The following MAP3K7CL variants were observed in gnomAD, a reference collection of about 807,000 sequenced individuals.
The protein encoded by MAP3K7CL is MAP3K7 C-terminal like, also known as MAP3K7 C-terminal-like protein.
A neutral mutation model predicts 18.6 loss-of-function variants in MAP3K7CL; 16 were observed. That is an observed-to-expected ratio of 0.86 (90% confidence interval 0.58 to 1.31). MAP3K7CL has a LOEUF of 1.31. Ranked by LOEUF, MAP3K7CL falls within the 50% of genes most tolerant of loss-of-function variation. The pLI is 0.00. For missense variants in MAP3K7CL, 163 were observed against 174.4 expected, an observed-to-expected ratio of 0.93 and a Z score of 0.37; for synonymous variants, 65 against 66.8, an observed-to-expected ratio of 0.97 and a Z score of 0.13.
intron 4 of MAP3K7CL, among the ~76,000 whole-genome samples, chr21:29,165,460 G>A (rs2087662021): frequency 6.6e-6 from 1 of 152,258 alleles, no homozygotes; most frequent in Non-Finnish European, 1.5e-5. Context: ...TGTACACAAT[G>A]TATATTCTTT....
upstream of MAP3K7CL, among the ~76,000 whole-genome samples, chr21:29,084,592 A>G (rs1322961268): frequency 6.6e-6 from 1 of 152,194 alleles, no homozygotes; most frequent in Non-Finnish European, 1.5e-5. Context: ...AAATCAAGGG[A>G]GGATCTATGT....
At chr21:29,159,480 T>C (rs1339789119) in intron 3 of MAP3K7CL, among the ~76,000 whole-genome samples, 1 of 152,230 alleles carries the variant, frequency 6.6e-6, no homozygotes, top group African/African-American at 2.4e-5. Flanking sequence ...AAGAGAGCTT[T>C]TCTTCTCTAC....
At chr21:29,086,820 G>A (rs539246317) in intron 1 of MAP3K7CL, among the ~76,000 whole-genome samples, 10 of 152,024 alleles carry the variant, frequency 6.6e-5, no homozygotes, top group Non-Finnish European at 1.2e-4. Flanking sequence ...TGTATGTTAG[G>A]GTTTTATCAT....
At chr21:29,130,472 A>G (rs2086757916), upstream of MAP3K7CL, 1 of 439,112 alleles carries the variant, frequency 2.3e-6, no homozygotes, top group Non-Finnish European at 3.0e-6. Context: ...ATAGACACAG[A>G]CACCGATTGG....
At chr21:29,150,595 C>T (rs945036239) in intron 3 of MAP3K7CL, among the ~76,000 whole-genome samples, 1 of 152,136 alleles carries the variant, frequency 6.6e-6, no homozygotes, top group African/African-American at 2.4e-5. Context: ...CTAAAATTTC[C>T]TCTCTAGCTA....
chr21:29,085,089 A>T (rs944939256), upstream of MAP3K7CL: 1 of 152,250 alleles, frequency 6.6e-6, no homozygotes, highest in Non-Finnish European at 1.5e-5. Context: ...ATAACCCTTA[A>T]GCCCTTACCG....
intron 2 of MAP3K7CL, among the ~76,000 whole-genome samples, chr21:29,141,730 C>T (rs2087013315): frequency 6.6e-6 from 1 of 152,024 alleles, no homozygotes; most frequent in South Asian, 2.1e-4. Flanking sequence ...TATCCACATC[C>T]ATCTCTATAG....
rs1307626978 is a variant in MAP3K7CL at position 29,130,701 on chromosome 21, CGGAAG to C, written c.-248_-244del. 55 of 985,386 alleles carry C rather than the reference CGGAAG, an allele frequency of 5.6e-5. No individual in the cohort carries two copies. Among genetic ancestry groups the C allele is most frequent in the Non-Finnish European group, 6.3e-5 (52 of 829,932 alleles). 61.0% of individuals were successfully genotyped at this position (985,386 alleles called of 1,614,324 possible). On this transcript the variant is annotated 5_prime_UTR_variant, in exon 1 of 5. Transcript: ENST00000399928. ...AGGAGAGAGGGGTTGTGAAGGGAAG[CGGAAG>C]GGAAGGGAAGGGAGGTCCCGTGGGA...
upstream of MAP3K7CL, among the ~76,000 whole-genome samples, chr21:29,125,732 T>G (rs996234832): frequency 6.6e-6 from 1 of 152,176 alleles, no homozygotes; most frequent in Non-Finnish European, 1.5e-5. Flanking sequence ...AGTAACAACA[T>G]TACTGCAAGT....
chr21:29,094,425 A>G (rs559666688), intron 4 of MAP3K7CL, among the ~76,000 whole-genome samples: 1 of 152,330 alleles, frequency 6.6e-6, no homozygotes, highest in African/African-American at 2.4e-5. Context: ...GGTGGGGCCT[A>G]AGTATTTGAA....
chr21:29,124,042 G>T (rs1017339351), intron 4 of MAP3K7CL, among the ~76,000 whole-genome samples: 1 of 151,992 alleles, frequency 6.6e-6, no homozygotes, highest in African/African-American at 2.4e-5. Context: ...CCAAGAGTCT[G>T]CTGTCTAGGT....
At chr21:29,077,143 C>A (rs976985021), upstream of MAP3K7CL, among the ~76,000 whole-genome samples, 2 of 152,270 alleles carry the variant, frequency 1.3e-5, no homozygotes, top group Non-Finnish European at 2.9e-5. Flanking sequence ...CCCAGTGGAT[C>A]ACGCACTAGG....
intron 4 of MAP3K7CL, among the ~76,000 whole-genome samples, chr21:29,168,113 G>A (rs1425205341): frequency 6.6e-6 from 1 of 152,116 alleles, no homozygotes; most frequent in Non-Finnish European, 1.5e-5. Context: ...ATATACCTAA[G>A]ATATTTTTCT....
At chr21:29,118,621 T>G (rs576924490) in intron 4 of MAP3K7CL, among the ~76,000 whole-genome samples, 1 of 151,848 alleles carries the variant, frequency 6.6e-6, no homozygotes, top group South Asian at 2.1e-4. Context: ...GTGACAGGAG[T>G]GAGGGCCTTG....
upstream of MAP3K7CL, chr21:29,077,493 A>G: frequency 5.8e-5 from 9 of 154,150 alleles, no homozygotes; most frequent in East Asian, 1.9e-4. Flanking sequence ...TCCTGCCCGC[A>G]CCTCTCCCTC....
Position 29,160,057 on chromosome 21 carries a change from G to T in MAP3K7CL, c.248+1G>T, listed in dbSNP as rs753802796. 9.3e-6 allele frequency: 15 copies of T among 1,610,420 alleles called. No homozygotes were observed. Among genetic ancestry groups the T allele is most frequent in the Non-Finnish European group, 1.3e-5 (15 of 1,176,724 alleles). ...AAATCACCCTGCTTGAGCAAAGGAAGTAAGTACCTACCCCCCTCACTCTAC... is the reference window on the plus strand; with the variant it reads ...AAATCACCCTGCTTGAGCAAAGGAATTAAGTACCTACCCCCCTCACTCTAC... On this transcript the variant is annotated splice_donor_variant, in intron 4 of 4. Coordinates refer to ENST00000399928, the MANE Select transcript of MAP3K7CL (RefSeq NM_001286620.2). LOFTEE classifies it high-confidence loss of function.
At chr21:29,102,112 A>G (rs2086240067) in intron 4 of MAP3K7CL, among the ~76,000 whole-genome samples, 1 of 152,214 alleles carries the variant, frequency 6.6e-6, no homozygotes, top group African/African-American at 2.4e-5. Flanking sequence ...CATGAATCAC[A>G]TTGTGGGGAT....
chr21:29,170,254 A>C (rs936743875), intron 4 of MAP3K7CL, among the ~76,000 whole-genome samples: 1 of 152,248 alleles, frequency 6.6e-6, no homozygotes, highest in Non-Finnish European at 1.5e-5. Flanking sequence ...TATCAAATAC[A>C]TGACACTAAT....
chr21:29,142,024 A>AT (rs540625780), intron 2 of MAP3K7CL, among the ~76,000 whole-genome samples: 4,947 of 145,768 alleles, frequency 0.034, 105 homozygotes, highest in Middle Eastern at 0.098. Flanking sequence ...GCGTAAGTTA[A>AT]TTTTTTTTTT....
Sources: allele counts gnomAD v4.1 joint callset (sites outside exome capture counted in the v4.1 genomes callset), GRCh38; gene constraint gnomAD v4.1.1; transcripts MANE v1.5; gene names NCBI Gene and HGNC (gene_info 2026-07-23, HGNC 2026-07-21).